Variants in ERBB4 observed in about 807,000 individuals in gnomAD.
The protein encoded by ERBB4 is erb-b2 receptor tyrosine kinase 4.
A neutral mutation model predicts 158.0 loss-of-function variants in ERBB4; 42 were observed. That is an observed-to-expected ratio of 0.27 (90% confidence interval 0.21 to 0.34). The LOEUF (loss-of-function observed/expected upper bound fraction) is 0.34, where lower values mean the gene tolerates loss of function less well. Ranked by LOEUF, ERBB4 falls within the 10% of genes least tolerant of loss-of-function variation. The pLI is 1.00. For synonymous variants in ERBB4, 583 were observed against 558.7 expected (o/e 1.04, Z -0.61); for missense variants, 1,333 against 1,624.1 (o/e 0.82, Z 3.08).
intron 20 of ERBB4, among the ~76,000 whole-genome samples, chr2:211,466,852 A>C (rs1467482556): frequency 6.6e-6 from 1 of 151,994 alleles, no homozygotes; most frequent in Non-Finnish European, 1.5e-5. Flanking sequence ...CCACCTTATA[A>C]ATGGTAATAT....
intron 1 of ERBB4, among the ~76,000 whole-genome samples, chr2:212,316,775 CTA>C (rs1221713723): frequency 6.6e-6 from 1 of 151,486 alleles, no homozygotes; most frequent in African/African-American, 2.4e-5. Flanking sequence ...GGTTGCAAAA[CTA>C]TGTGTATACA....
At chr2:211,913,234 A>G (rs1203464896) in intron 3 of ERBB4, among the ~76,000 whole-genome samples, 1 of 152,196 alleles carries the variant, frequency 6.6e-6, no homozygotes, top group South Asian at 2.1e-4. Flanking sequence ...AGGAATAAAT[A>G]AGAAAATCTA....
intron 3 of ERBB4, among the ~76,000 whole-genome samples, chr2:211,816,540 CAA>C (rs34323414): frequency 0.032 from 2,135 of 65,848 alleles, 20 homozygotes; most frequent in African/African-American, 0.11. Flanking sequence ...GAGCCCGTCT[CAA>C]AAAAAAAAAA....
intron 1 of ERBB4, among the ~76,000 whole-genome samples, chr2:212,466,315 C>G (rs1371554951): frequency 6.6e-6 from 1 of 152,058 alleles, no homozygotes; most frequent in East Asian, 1.9e-4. Flanking sequence ...GATTTGAAAC[C>G]CAAATATATG....
intron 3 of ERBB4, among the ~76,000 whole-genome samples, chr2:211,806,332 C>A (rs993188516): frequency 1.3e-5 from 2 of 152,140 alleles, no homozygotes; most frequent in African/African-American, 4.8e-5. Flanking sequence ...GTAGTAACTT[C>A]AAATACTAAG....
At chr2:211,845,951 A>AT (rs1367082984) in intron 3 of ERBB4, among the ~76,000 whole-genome samples, 1 of 152,080 alleles carries the variant, frequency 6.6e-6, no homozygotes, top group East Asian at 1.9e-4. Flanking sequence ...TATTCCCTGA[A>AT]TTGTCAATTA....
intron 20 of ERBB4, among the ~76,000 whole-genome samples, chr2:211,549,551 C>T (rs994603941): frequency 3.9e-5 from 6 of 152,026 alleles, no homozygotes; most frequent in African/African-American, 9.7e-5. Flanking sequence ...CCACGTTGAT[C>T]GGGTACAAGA....
In ERBB4 at chr2:212,378,913, C is replaced by A. The variant is rs146701837; in HGVS notation, c.82+159536G>T. Among the ~76,000 whole-genome samples the A allele has an allele frequency of 3.6e-3, 552 of 151,824 alleles. 4 individuals carry two copies. Among genetic ancestry groups the A allele is most frequent in the Non-Finnish European group, 4.9e-3 (331 of 67,806 alleles). ...TGATGATTTTAGTTCCATTAAAATGCAGAATTTAGGTGAGGTTCTAAAATA... is the reference window on the plus strand; with the variant it reads ...TGATGATTTTAGTTCCATTAAAATGAAGAATTTAGGTGAGGTTCTAAAATA... On this transcript the variant is annotated intron_variant, in intron 1 of 27. Transcript: ENST00000342788.
At chr2:211,601,969 T>C (rs191473479) in intron 19 of ERBB4, among the ~76,000 whole-genome samples, 1 of 152,214 alleles carries the variant, frequency 6.6e-6, no homozygotes, top group South Asian at 2.1e-4. Context: ...TCCTCTGTGA[T>C]AAATAAGTGA....
intron 2 of ERBB4, among the ~76,000 whole-genome samples, chr2:212,104,328 C>G (rs994382994): frequency 6.6e-6 from 1 of 151,954 alleles, no homozygotes; most frequent in Non-Finnish European, 1.5e-5. Flanking sequence ...CAAAGTTAAC[C>G]TAATTTGGCA....
At chr2:212,230,822 G>C (rs1456614495) in intron 1 of ERBB4, among the ~76,000 whole-genome samples, 1 of 152,096 alleles carries the variant, frequency 6.6e-6, no homozygotes, top group Non-Finnish European at 1.5e-5. Context: ...ATGATAAAGA[G>C]TCTAGAGTCT....
At chr2:211,739,232 ACT>A (rs976135784) in intron 5 of ERBB4, among the ~76,000 whole-genome samples, 24 of 151,582 alleles carry the variant, frequency 1.6e-4, no homozygotes, top group African/African-American at 5.6e-4. Flanking sequence ...ATTTATTCAT[ACT>A]CTCTTTGTTA....
At chr2:212,116,590 G>A (rs2125552366) in intron 2 of ERBB4, among the ~76,000 whole-genome samples, 1 of 152,190 alleles carries the variant, frequency 6.6e-6, no homozygotes, top group East Asian at 1.9e-4. Context: ...TGGGATTACA[G>A]GCATGTGCCG....
intron 3 of ERBB4, among the ~76,000 whole-genome samples, chr2:211,810,797 C>T (rs1021760545): frequency 3.3e-5 from 5 of 151,790 alleles, no homozygotes; most frequent in Admixed American, 6.6e-5. Flanking sequence ...CTCAGTCTCC[C>T]GAGTAGCTGG....
chr2:211,788,779 A>G (rs1385716544), intron 3 of ERBB4, among the ~76,000 whole-genome samples: 2 of 152,170 alleles, frequency 1.3e-5, no homozygotes, highest in Admixed American at 1.3e-4. Flanking sequence ...TCAGTAGGTA[A>G]GTAATTAGCA....
Position 212,300,068 on chromosome 2 carries a change from G to A in ERBB4, c.83-175165C>T, listed in dbSNP as rs144770178. ...AAATGAGAAAAGTCATTACATCAGC[G>A]AATTAGTTCGCCCAAGCAGTAGCCT... is the stretch of plus-strand genomic sequence containing the variant. On this transcript the variant is annotated intron_variant, in intron 1 of 27. Transcript: ENST00000342788. 1.5e-4 allele frequency among the ~76,000 whole-genome samples: 23 copies of A among 151,572 alleles called. No homozygotes were observed. The East Asian group carries it at 2.5e-3, about 17-fold the overall frequency.
At chr2:211,707,272 T>C (rs2073483353) in intron 9 of ERBB4, among the ~76,000 whole-genome samples, 1 of 152,130 alleles carries the variant, frequency 6.6e-6, no homozygotes, top group Non-Finnish European at 1.5e-5. Flanking sequence ...CCTTGTCAAA[T>C]AAGTTGACAG....
intron 3 of ERBB4, among the ~76,000 whole-genome samples, chr2:211,888,489 T>C (rs1357080682): frequency 6.6e-6 from 1 of 152,246 alleles, no homozygotes. Flanking sequence ...ATTTTTGTTT[T>C]TATTCTATTG....
intron 20 of ERBB4, 148 bp from the exon 21 acceptor site, chr2:211,431,248 C>A (rs568083965): frequency 5.0e-5 from 36 of 712,992 alleles, no homozygotes; most frequent in African/African-American, 4.3e-4. Context: ...TTAGAGAAAA[C>A]CTGATTTGGG....
Sources: allele counts gnomAD v4.1 joint callset (sites outside exome capture counted in the v4.1 genomes callset), GRCh38; gene constraint gnomAD v4.1.1; transcripts MANE v1.5; gene names NCBI Gene and HGNC (gene_info 2026-07-23, HGNC 2026-07-21).